The following MRC1 variants were observed in gnomAD, a reference collection of about 807,000 sequenced individuals.
The protein encoded by MRC1 is mannose receptor C-type 1.
MRC1 carries 62 observed loss-of-function variants against 102.9 expected under a neutral mutation model. The observed-to-expected ratio is 0.60, with a 90% CI of 0.49 to 0.74. MRC1 has a LOEUF of 0.74. Ranked by LOEUF, MRC1 falls within the 30% of genes least tolerant of loss-of-function variation. The pLI, the probability that MRC1 is intolerant of heterozygous loss-of-function variation, is 0.00. For synonymous variants in MRC1, 457 were observed against 298.4 expected (o/e 1.53, Z -5.48); for missense variants, 1,237 against 862.8 (o/e 1.43, Z -5.43).
At chr10:17,879,190 C>T (rs1833478813) in intron 18 of MRC1, among the ~76,000 whole-genome samples, 3 of 152,074 alleles carry the variant, frequency 2.0e-5, no homozygotes, top group African/African-American at 7.2e-5. Context: ...GTGGTTTCTT[C>T]CTGGGAGGGA....
chr10:17,884,782 C>T (rs1438011609), intron 21 of MRC1, among the ~76,000 whole-genome samples: 1 of 152,024 alleles, frequency 6.6e-6, no homozygotes, highest in Non-Finnish European at 1.5e-5. Flanking sequence ...GGACACAGAG[C>T]CAAACCATAT....
Position 17,853,113 on chromosome 10 carries a change from A to G in MRC1, c.1396A>G (p.Met466Val). 1 of 780,846 alleles carries G rather than the reference A, an allele frequency of 1.3e-6. No individual in the cohort carries two copies. Among genetic ancestry groups the G allele is most frequent in the Admixed American group, 1.7e-5 (1 of 59,022 alleles). 48.4% of individuals were successfully genotyped at this position (780,846 alleles called of 1,614,324 possible). ...ENNRQEDCVV[M>V]KGKDGYWADR... is the part of the protein sequence containing the mutation. ...CAACAGACAGGAGGATTGTGTGGTG[A>G]TGAAAGGCAAGGTAAGGCCACTTGA... Residue 466 changes from methionine to valine, a missense_variant, in exon 8 of 30, where the codon ATG (methionine) becomes GTG (valine). Coordinates refer to ENST00000569591, the MANE Select transcript of MRC1 (RefSeq NM_002438.4).
Position 17,859,759 on chromosome 10 carries a change from T to G in MRC1, c.1519-1628T>G, listed in dbSNP as rs948192796. On this transcript the variant is annotated intron_variant, in intron 9 of 29. Transcript: ENST00000569591. ...CTACTTCTTGGAGTGCTTTAGAGAT[T>G]CTCCTTTTACAGATTAAGTATGACT... Among the ~76,000 whole-genome samples the G allele has an allele frequency of 2.7e-3, 409 of 152,354 alleles. 4 individuals are homozygous for G. Among genetic ancestry groups the G allele is most frequent in the African/African-American group, 8.9e-3 (370 of 41,574 alleles).
intron 1 of MRC1, among the ~76,000 whole-genome samples, chr10:17,813,651 A>G (rs958664281): frequency 7.7e-6 from 1 of 129,068 alleles, no homozygotes; most frequent in Non-Finnish European, 1.7e-5. Flanking sequence ...AAATATATAC[A>G]TATATATATA....
chr10:17,908,562 ATTTTT>A (rs1236417877), intron 28 of MRC1, among the ~76,000 whole-genome samples: 9 of 151,094 alleles, frequency 6.0e-5, no homozygotes, highest in Non-Finnish European at 1.0e-4. Flanking sequence ...GAGTTGTTTT[ATTTTT>A]TTTGTTTTGT....
chr10:17,812,217 C>T (rs926096342), intron 1 of MRC1, among the ~76,000 whole-genome samples: 13 of 152,276 alleles, frequency 8.5e-5, no homozygotes, highest in African/African-American at 3.1e-4. Flanking sequence ...TAGACGCTCA[C>T]CTTTCCTACT....
chr10:17,825,995 A>C (rs1838468848), intron 2 of MRC1, among the ~76,000 whole-genome samples: 2 of 152,210 alleles, frequency 1.3e-5, no homozygotes, highest in Non-Finnish European at 2.9e-5. Context: ...AAAGTTATTA[A>C]CAACTACCTT....
At chr10:17,826,424 A>G (rs1388569677) in intron 2 of MRC1, among the ~76,000 whole-genome samples, 16 of 152,284 alleles carry the variant, frequency 1.1e-4, no homozygotes, top group Admixed American at 9.2e-4. Flanking sequence ...GCTGATCTCA[A>G]TTCCTGACCT....
chr10:17,860,662 A>G (rs782010892), intron 9 of MRC1, among the ~76,000 whole-genome samples: 1 of 152,166 alleles, frequency 6.6e-6, no homozygotes, highest in African/African-American at 2.4e-5. Flanking sequence ...TCCTATGACC[A>G]AATGATGTAG....
At chr10:17,891,312 G>T (rs1180010565) in intron 22 of MRC1, among the ~76,000 whole-genome samples, 1 of 151,546 alleles carries the variant, frequency 6.6e-6, no homozygotes, top group Non-Finnish European at 1.5e-5. Context: ...GACTACAGGC[G>T]CCCGCCACCA....
chr10:17,832,202 A>G (rs1838584777), intron 3 of MRC1, among the ~76,000 whole-genome samples: 1 of 151,500 alleles, frequency 6.6e-6, no homozygotes, highest in Non-Finnish European at 1.5e-5. Context: ...AAGGCAAAAT[A>G]TCCACCTGCT....
chr10:17,875,808 G>T (rs1421319570), intron 17 of MRC1, among the ~76,000 whole-genome samples: 1 of 152,132 alleles, frequency 6.6e-6, no homozygotes, highest in Non-Finnish European at 1.5e-5. Context: ...ATCAAATTGT[G>T]TTTCTACTTT....
intron 9 of MRC1, among the ~76,000 whole-genome samples, chr10:17,857,842 A>C (rs1184956356): frequency 6.6e-6 from 1 of 152,200 alleles, no homozygotes; most frequent in Non-Finnish European, 1.5e-5. Context: ...CTGGGATTTA[A>C]TTTTCAATTC....
Position 17,872,067 on chromosome 10 carries a change from T to C in MRC1, c.2285T>C (p.Met762Thr). 3 of 780,700 alleles carry C rather than the reference T, an allele frequency of 3.8e-6. No individual in the cohort carries two copies. Among genetic ancestry groups the C allele is most frequent in the Middle Eastern group, 2.3e-4 (1 of 4,436 alleles). 48.4% of individuals were successfully genotyped at this position (780,700 alleles called of 1,614,324 possible). ...YCGELKGDPT[M>T]SWNDINCEHL... ...GGTGAGCTGAAAGGTGACCCTACTA[T>C]GTCTTGGAATGATATTAATTGTGAA... Residue 762 changes from methionine to threonine, a missense_variant, in exon 15 of 30, where the codon ATG becomes ACG. Coordinates refer to ENST00000569591, the MANE Select transcript of MRC1 (RefSeq NM_002438.4).
At chr10:17,859,394 C>T (rs1031576743) in intron 9 of MRC1, among the ~76,000 whole-genome samples, 21 of 152,044 alleles carry the variant, frequency 1.4e-4, no homozygotes, top group African/African-American at 4.8e-4. Flanking sequence ...CTCGGCTCAG[C>T]GCAACCTCTA....
intron 26 of MRC1, among the ~76,000 whole-genome samples, chr10:17,902,500 CTATT>C (rs1370140213): frequency 6.6e-6 from 1 of 152,184 alleles, no homozygotes; most frequent in South Asian, 2.1e-4. Flanking sequence ...AAAAGTATTT[CTATT>C]TATTGTTTTT....
intron 7 of MRC1, among the ~76,000 whole-genome samples, chr10:17,850,499 CA>C (rs1838898524): frequency 6.6e-6 from 1 of 151,856 alleles, no homozygotes; most frequent in South Asian, 2.1e-4. Context: ...TAAAAATACA[CA>C]GAAAATGTAC....
chr10:17,843,475 G>A (rs1426547818), intron 5 of MRC1, among the ~76,000 whole-genome samples: 1 of 152,070 alleles, frequency 6.6e-6, no homozygotes, highest in Non-Finnish European at 1.5e-5. Context: ...AGACCAGCCT[G>A]GTCAAGATGG....
intron 8 of MRC1, among the ~76,000 whole-genome samples, chr10:17,855,377 C>T (rs1261417222): frequency 6.6e-6 from 1 of 151,876 alleles, no homozygotes; most frequent in Admixed American, 6.6e-5. Context: ...CGAGACCATC[C>T]TGGCTAACAC....
Sources: gnomAD v4.1 joint callset for allele counts (sites outside exome capture counted in the v4.1 genomes callset) on GRCh38, gnomAD v4.1.1 for gene constraint, MANE v1.5 for transcripts, NCBI Gene and HGNC (gene_info 2026-07-23, HGNC 2026-07-21) for gene names.